Variants in SDK1 observed in about 807,000 individuals in gnomAD.
SDK1 encodes protein sidekick-1.
In SDK1, 157 loss-of-function variants were observed where a neutral mutation model predicts 245.5. The observed-to-expected ratio is 0.64, with a 90% CI of 0.56 to 0.73. SDK1 has a LOEUF of 0.73. Ranked by LOEUF, SDK1 falls within the 30% of genes least tolerant of loss-of-function variation. The pLI is 0.00. For synonymous variants in SDK1, 1,647 were observed against 1,278.5 expected (o/e 1.29, Z -6.15); for missense variants, 3,583 against 3,002.3 (o/e 1.19, Z -4.52).
chr7:3,833,269 C>T (rs10236208), intron 5 of SDK1, among the ~76,000 whole-genome samples: 2,744 of 152,208 alleles, frequency 0.018, 81 homozygotes, highest in African/African-American at 0.063. Flanking sequence ...CGGCTGGCCC[C>T]GTGCGGTAGT....
intron 1 of SDK1, among the ~76,000 whole-genome samples, chr7:3,480,407 C>G (rs1214072114): frequency 6.6e-6 from 1 of 151,598 alleles, no homozygotes; most frequent in East Asian, 1.9e-4. Flanking sequence ...AGCTGCCTGC[C>G]TCCTGCACAT....
At chr7:3,552,875 C>G (rs79632474) in intron 1 of SDK1, among the ~76,000 whole-genome samples, 3,132 of 152,260 alleles carry the variant, frequency 0.021, 100 homozygotes, top group African/African-American at 0.069. Flanking sequence ...CTTACTGTTG[C>G]ATAATTATGC....
chr7:3,534,890 A>G (rs186117995), intron 1 of SDK1, among the ~76,000 whole-genome samples: 2 of 152,278 alleles, frequency 1.3e-5, no homozygotes, highest in East Asian at 3.9e-4. Flanking sequence ...AGCCACGTGT[A>G]CATGTACAGT....
chr7:3,581,387 A>T (rs1007352511), intron 1 of SDK1, among the ~76,000 whole-genome samples: 4 of 152,236 alleles, frequency 2.6e-5, no homozygotes, highest in African/African-American at 9.6e-5. Flanking sequence ...GCCAACAAGC[A>T]TATGATAAAA....
At chr7:3,545,601 G>A (rs879133353) in intron 1 of SDK1, among the ~76,000 whole-genome samples, 2 of 152,172 alleles carry the variant, frequency 1.3e-5, no homozygotes, top group Non-Finnish European at 2.9e-5. Context: ...GGCACTAAGT[G>A]AATATTACAT....
chr7:3,616,554 A>T (rs1054687343), intron 1 of SDK1, among the ~76,000 whole-genome samples: 10 of 152,150 alleles, frequency 6.6e-5, no homozygotes, highest in African/African-American at 2.4e-4. Context: ...CCTGCATTTC[A>T]TCTCATCGAC....
chr7:3,889,524 T>A (rs78946509), intron 5 of SDK1, among the ~76,000 whole-genome samples: 1 of 152,066 alleles, frequency 6.6e-6, no homozygotes, highest in Non-Finnish European at 1.5e-5. Context: ...TTTTTTTTTT[T>A]AGGGATGGTG....
chr7:3,410,626 G>A (rs920278068), intron 1 of SDK1, among the ~76,000 whole-genome samples: 21 of 124,132 alleles, frequency 1.7e-4, no homozygotes, highest in Admixed American at 1.3e-3. Flanking sequence ...TTGCTCTGTC[G>A]CCTAGGCTGG....
chr7:3,354,655 A>G (rs1179958757), intron 1 of SDK1, among the ~76,000 whole-genome samples: 2 of 152,210 alleles, frequency 1.3e-5, no homozygotes, highest in Non-Finnish European at 2.9e-5. Flanking sequence ...ACAGAAGTTA[A>G]TTGTGTTTCA....
chr7:3,682,943 A>G (rs1784155420), intron 4 of SDK1, among the ~76,000 whole-genome samples: 1 of 152,142 alleles, frequency 6.6e-6, no homozygotes, highest in Non-Finnish European at 1.5e-5. Context: ...CATGTTGTCC[A>G]GGCTGGTCTG....
Position 3,679,890 on chromosome 7 carries a change from G to A in SDK1, c.713+37785G>A, listed in dbSNP as rs777005751. On this transcript the variant is annotated intron_variant, in intron 4 of 44. Coordinates refer to ENST00000404826, the MANE Select transcript of SDK1 (RefSeq NM_152744.4). ...CATACGCTTACCATATGACCCTATC[G>A]GTCACACTTCTTAGCATTTATCCAC... 4.6e-5 allele frequency among the ~76,000 whole-genome samples: 7 copies of A among 152,168 alleles called. No individual in the cohort carries two copies. The East Asian group carries it at 1.4e-3, about 29-fold the overall frequency.
In SDK1 at chr7:4,077,084, C is replaced by T; in HGVS notation, c.3097C>T (p.Gln1033Ter). 2 of 1,614,206 alleles carry T rather than the reference C, an allele frequency of 1.2e-6. No individual in the cohort carries two copies. Among genetic ancestry groups the T allele is most frequent in the Non-Finnish European group, 8.5e-7 (1 of 1,180,034 alleles). ...CAGCACGACGCACGAGTACAAGATCCAAGGCCTCTCATCTCTCACCACCTA... is the reference window on the plus strand; with the variant it reads ...CAGCACGACGCACGAGTACAAGATCTAAGGCCTCTCATCTCTCACCACCTA... ...LNSTTHEYKI[Q>*]GLSSLTTYTI... The change falls in exon 21 of 45, where the codon CAA (glutamine) becomes TAA (stop). Residue 1033 changes from glutamine to a stop codon, truncating the protein, a stop_gained. Transcript: ENST00000404826. LOFTEE classifies it high-confidence loss of function.
At position 4,079,456 on chromosome 7, in the gene SDK1, T is replaced by A; in HGVS notation, c.3203-7T>A. On this transcript the variant is annotated splice_region_variant and splice_polypyrimidine_tract_variant and intron_variant, in intron 21 of 44. Transcript: ENST00000404826. ...ATCTCTCCCTTTCCTCCCTGGTTCC[T>A]CTCTAGACCTTCCTGGTGCCCCATC... 6.2e-7 allele frequency: 1 copy of A among 1,614,092 alleles called. No homozygotes were observed. Among genetic ancestry groups the A allele is most frequent in the Non-Finnish European group, 8.5e-7 (1 of 1,179,958 alleles).
Position 3,393,563 on chromosome 7 carries a change from C to G in SDK1, c.298+91679C>G, listed in dbSNP as rs778350433. On this transcript the variant is annotated intron_variant, in intron 1 of 44. Transcript: ENST00000404826. Reference sequence around the variant, plus strand: ...GAATATCGGGAAAGAGTAGATAAAACTGGATTATTCGCAGATCAGAATACT... The same window carrying G: ...GAATATCGGGAAAGAGTAGATAAAAGTGGATTATTCGCAGATCAGAATACT... Among the ~76,000 whole-genome samples, 171 of 152,216 alleles carry G rather than the reference C, an allele frequency of 1.1e-3. 2 individuals are homozygous for G. The highest frequency in any genetic ancestry group is 6.2e-4 in the South Asian group (3 of 4,826).
At chr7:3,992,294 T>C (rs1784387155) in intron 14 of SDK1, among the ~76,000 whole-genome samples, 1 of 152,182 alleles carries the variant, frequency 6.6e-6, no homozygotes, top group Admixed American at 6.5e-5. Context: ...AAGGTGCATC[T>C]CTGGATGGGA....
chr7:4,234,370 G>T (rs555868713), intron 41 of SDK1, among the ~76,000 whole-genome samples: 3 of 152,176 alleles, frequency 2.0e-5, no homozygotes, highest in Admixed American at 6.5e-5. Flanking sequence ...CTTCCTCCCC[G>T]AGAGCACCCG....
intron 1 of SDK1, among the ~76,000 whole-genome samples, chr7:3,605,469 T>G (rs1781393004): frequency 6.6e-6 from 1 of 152,228 alleles, no homozygotes; most frequent in Non-Finnish European, 1.5e-5. Flanking sequence ...ACCTTCCTGT[T>G]TACTAATAAT....
intron 40 of SDK1, among the ~76,000 whole-genome samples, chr7:4,229,109 C>G (rs1024805506): frequency 6.6e-6 from 1 of 152,108 alleles, no homozygotes. Context: ...TTATTTTCCC[C>G]CTAATTTGTA....
Position 4,241,890 on chromosome 7 carries a change from C to G in SDK1, c.6228C>G (p.Thr2076=), listed in dbSNP as rs141297041. 1.9e-6 allele frequency: 3 copies of G among 1,613,914 alleles called. No homozygotes were observed. The highest frequency in any genetic ancestry group is 1.7e-6 in the Non-Finnish European group (2 of 1,180,032). ...GCCGCCACCTCAATGTCAAGAGCAC[C>G]TTCTCCAAGAAGAACGGGACCAGGT... ...LSSRHLNVKS[T]FSKKNGTRSP... is the part of the protein sequence containing the mutation. The change falls in exon 43 of 45, where the codon ACC becomes ACG. Residue 2076 remains threonine (T), a synonymous_variant. Coordinates refer to ENST00000404826, the MANE Select transcript of SDK1 (RefSeq NM_152744.4).
Sources: gnomAD v4.1 joint callset for allele counts (sites outside exome capture counted in the v4.1 genomes callset) on GRCh38, gnomAD v4.1.1 for gene constraint, MANE v1.5 for transcripts, NCBI Gene and HGNC (gene_info 2026-07-23, HGNC 2026-07-21) for gene names.